Variants in EPHA6 observed in about 807,000 individuals in gnomAD.
EPHA6 encodes ephrin type-A receptor 6.
Under a neutral mutation model 112.0 loss-of-function variants are expected in EPHA6, and 50 were observed. The observed-to-expected ratio is 0.45, with a 90% CI of 0.36 to 0.56. The LOEUF is 0.56. Ranked by LOEUF, EPHA6 falls within the 20% of genes least tolerant of loss-of-function variation. The pLI, the probability that EPHA6 is intolerant of heterozygous loss-of-function variation, is 0.00. For synonymous variants in EPHA6, 529 were observed against 490.7 expected (o/e 1.08, Z -1.03); for missense variants, 1,280 against 1,417.4 (o/e 0.90, Z 1.56).
intron 3 of EPHA6, among the ~76,000 whole-genome samples, chr3:97,034,227 G>T (rs993815681): frequency 2.0e-5 from 3 of 151,776 alleles, no homozygotes; most frequent in Non-Finnish European, 2.9e-5. Context: ...GTAATTTTTG[G>T]ATTATAGTTT....
At chr3:97,311,442 TCACACACACACACACACACA>T (rs35415439) in intron 5 of EPHA6, among the ~76,000 whole-genome samples, 1 of 144,058 alleles carries the variant, frequency 6.9e-6, no homozygotes, top group South Asian at 2.2e-4. Context: ...GATTACACTT[TCACACACACACACACACACA>T]CACACACACA....
chr3:96,863,266 T>C (rs986588474), intron 1 of EPHA6, among the ~76,000 whole-genome samples: 1 of 151,992 alleles, frequency 6.6e-6, no homozygotes, highest in African/African-American at 2.4e-5. Context: ...TTCTTCCTAC[T>C]GAGTTTACAG....
intron 5 of EPHA6, among the ~76,000 whole-genome samples, chr3:97,271,651 C>T (rs2079886118): frequency 6.6e-6 from 1 of 152,180 alleles, no homozygotes; most frequent in South Asian, 2.1e-4. Flanking sequence ...AGCCACCGCA[C>T]CCATCCTTAA....
At chr3:97,222,242 A>G (rs541514305) in intron 3 of EPHA6, among the ~76,000 whole-genome samples, 26 of 152,288 alleles carry the variant, frequency 1.7e-4, no homozygotes, top group African/African-American at 5.8e-4. Flanking sequence ...TGTGTGCTAT[A>G]TAAGAGAATG....
intron 11 of EPHA6, among the ~76,000 whole-genome samples, chr3:97,539,235 C>T (rs1419671185): frequency 6.6e-6 from 1 of 151,048 alleles, no homozygotes; most frequent in East Asian, 1.9e-4. Context: ...GCAACCTTTG[C>T]CTCCCTGGTT....
intron 3 of EPHA6, among the ~76,000 whole-genome samples, chr3:97,139,072 T>A (rs2075832134): frequency 2.0e-5 from 3 of 152,106 alleles, no homozygotes; most frequent in Admixed American, 2.0e-4. Context: ...CCTAACCCCA[T>A]TGTAATCAGC....
At chr3:96,915,940 T>C (rs929550304) in intron 2 of EPHA6, among the ~76,000 whole-genome samples, 4 of 152,126 alleles carry the variant, frequency 2.6e-5, no homozygotes, top group African/African-American at 9.6e-5. Flanking sequence ...TGTGTGATTC[T>C]AGAGATGCAA....
chr3:97,717,231 C>CAAAAAA (rs748817650), intron 14 of EPHA6, among the ~76,000 whole-genome samples: 3 of 48,784 alleles, frequency 6.1e-5, no homozygotes, highest in African/African-American at 5.8e-5. Context: ...AACTCCATCT[C>CAAAAAA]AAAAAAAAAA....
intron 2 of EPHA6, among the ~76,000 whole-genome samples, chr3:96,961,533 T>C (rs1432236062): frequency 1.3e-5 from 2 of 152,216 alleles, no homozygotes; most frequent in African/African-American, 4.8e-5. Context: ...CTTCGCTTAA[T>C]AAATTGATGG....
intron 3 of EPHA6, among the ~76,000 whole-genome samples, chr3:96,990,728 G>A (rs955112313): frequency 1.3e-5 from 2 of 152,070 alleles, no homozygotes; most frequent in African/African-American, 4.8e-5. Context: ...TTACTTTTAT[G>A]TGTGTTCTTG....
intron 6 of EPHA6, among the ~76,000 whole-genome samples, chr3:97,420,113 A>T (rs967194412): frequency 6.6e-6 from 1 of 152,176 alleles, no homozygotes; most frequent in Non-Finnish European, 1.5e-5. Context: ...TAAGTTTGAG[A>T]ATCATTTGTT....
chr3:97,728,059 A>G (rs1024441346), intron 15 of EPHA6, among the ~76,000 whole-genome samples: 5 of 49,544 alleles, frequency 1.0e-4, no homozygotes, highest in Non-Finnish European at 2.0e-4. Context: ...AAATATATTT[A>G]CTAGCTTTAG....
In EPHA6 at chr3:96,913,380, A is replaced by AG. The variant is rs397752678; in HGVS notation, c.450+46491_450+46492insG. On this transcript the variant is annotated intron_variant, in intron 2 of 17. Transcript: ENST00000389672. ...GTGAGACCCTCTCTCAAAAAAAAAA[A>AG]TAATGTGGATTTAATTCTAAGAGAA... Among the ~76,000 whole-genome samples, 122 of 152,032 alleles carry AG rather than the reference A, an allele frequency of 8.0e-4. 1 individual carries two copies. Among genetic ancestry groups the AG allele is most frequent in the African/African-American group, 2.7e-3 (113 of 41,474 alleles).
At chr3:97,027,063 A>G (rs575356988) in intron 3 of EPHA6, among the ~76,000 whole-genome samples, 2 of 152,348 alleles carry the variant, frequency 1.3e-5, no homozygotes, top group South Asian at 4.1e-4. Context: ...GATAGACTGG[A>G]TAAAGAAAAC....
rs114632570 is a variant in EPHA6 at position 97,138,047 on chromosome 3, A to G, written c.1115-88217A>G. 7.3e-3 allele frequency among the ~76,000 whole-genome samples: 1,110 copies of G among 152,262 alleles called. 11 individuals are homozygous for G. The highest frequency in any genetic ancestry group is 0.025 in the African/African-American group (1,059 of 41,570). On this transcript the variant is annotated intron_variant, in intron 3 of 17. Coordinates refer to ENST00000389672, the MANE Select transcript of EPHA6 (RefSeq NM_001080448.3). ...AGAGAGATGACAGGAGGCACCAGGG[A>G]TGAAAAGGGAGGAAGCAGAGCTTCC...
chr3:97,170,465 G>A (rs2076668039), intron 3 of EPHA6, among the ~76,000 whole-genome samples: 3 of 152,130 alleles, frequency 2.0e-5, no homozygotes, highest in Admixed American at 2.0e-4. Context: ...AGCCAGGCGT[G>A]GTGGCTCACA....
In EPHA6 at chr3:97,258,589, A is replaced by G. The variant is rs150822323; in HGVS notation, c.1606+14302A>G. 4.8e-3 allele frequency among the ~76,000 whole-genome samples: 727 copies of G among 152,224 alleles called. 5 individuals carry two copies. Among genetic ancestry groups the G allele is most frequent in the African/African-American group, 0.017 (705 of 41,552 alleles). ...TACATAGTTTAGTCTGCTGTTTACC[A>G]TCTGCATACTCATGAATTTATAACT... On this transcript the variant is annotated intron_variant, in intron 5 of 17. Coordinates refer to ENST00000389672, the MANE Select transcript of EPHA6 (RefSeq NM_001080448.3).
intron 3 of EPHA6, among the ~76,000 whole-genome samples, chr3:97,052,967 C>A (rs954413030): frequency 3.9e-5 from 6 of 151,926 alleles, no homozygotes; most frequent in Non-Finnish European, 7.4e-5. Context: ...TGGTGCTAAG[C>A]CCAGTTCCAA....
intron 5 of EPHA6, among the ~76,000 whole-genome samples, chr3:97,318,300 T>C (rs976869821): frequency 6.6e-6 from 1 of 152,088 alleles, no homozygotes; most frequent in African/African-American, 2.4e-5. Flanking sequence ...GAAGTTTAGA[T>C]CATTTAAAGA....
Sources: allele counts gnomAD v4.1 joint callset (sites outside exome capture counted in the v4.1 genomes callset), GRCh38; gene constraint gnomAD v4.1.1; transcripts MANE v1.5; gene names NCBI Gene and HGNC (gene_info 2026-07-23, HGNC 2026-07-21).